The following GALNT18 variants were observed in gnomAD, a reference collection of about 807,000 sequenced individuals.
GALNT18 encodes GalNAc-transferase 18.
GALNT18 carries 44 observed loss-of-function variants against 69.5 expected under a neutral mutation model. That is an observed-to-expected ratio of 0.63 (90% confidence interval 0.50 to 0.81). The LOEUF (loss-of-function observed/expected upper bound fraction) is 0.81. Ranked by LOEUF, GALNT18 falls within the 40% of genes least tolerant of loss-of-function variation. The pLI is 0.00. For missense variants in GALNT18, 715 were observed against 810.0 expected (o/e 0.88, Z 1.42); for synonymous variants, 364 against 318.2 (o/e 1.14, Z -1.53).
At chr11:11,486,687 C>T (rs1461203327) in intron 1 of GALNT18, among the ~76,000 whole-genome samples, 1 of 152,232 alleles carries the variant, frequency 6.6e-6, no homozygotes, top group African/African-American at 2.4e-5. Context: ...TTTTCTCTGA[C>T]TTCTAGCATG....
intron 1 of GALNT18, among the ~76,000 whole-genome samples, chr11:11,525,632 CT>C (rs33938067): frequency 0.074 from 8,812 of 118,502 alleles, 285 homozygotes; most frequent in Middle Eastern, 0.13. Context: ...GTGCATATTA[CT>C]TTTTTTTTTT....
intron 1 of GALNT18, among the ~76,000 whole-genome samples, chr11:11,522,085 C>A (rs1857411410): frequency 6.6e-6 from 1 of 152,152 alleles, no homozygotes; most frequent in Non-Finnish European, 1.5e-5. Context: ...GGGATGACTT[C>A]TACCCACCCT....
chr11:11,532,351 A>C (rs944133780), intron 1 of GALNT18, among the ~76,000 whole-genome samples: 1 of 152,208 alleles, frequency 6.6e-6, no homozygotes, highest in Non-Finnish European at 1.5e-5. Context: ...ACAAGTAAGA[A>C]ACCAGGGCTC....
rs964204334 is a variant in GALNT18 at position 11,596,418 on chromosome 11, TA to T, written c.235+24940del. The stretch of plus-strand genomic sequence containing the variant: ...TAAGATAAGCCTGTCAATTTCTGTG[TA>T]AAAGCCAGCTGGGATTTTGATAAAG... On this transcript the variant is annotated intron_variant, in intron 1 of 10. Transcript: ENST00000227756. The surrounding 1 kb of genome is among the most constrained non-coding windows in gnomAD (Gnocchi z 4.2). Among the ~76,000 whole-genome samples the T allele has an allele frequency of 6.6e-6, 1 of 152,212 alleles. No individual in the cohort carries two copies. The highest frequency in any genetic ancestry group is 2.4e-5 in the African/African-American group (1 of 41,460).
At chr11:11,302,343 T>C (rs1849510325) in intron 9 of GALNT18, among the ~76,000 whole-genome samples, 1 of 152,186 alleles carries the variant, frequency 6.6e-6, no homozygotes, top group Non-Finnish European at 1.5e-5. Context: ...GTGAAGTCTC[T>C]CTTTTTCTGC....
rs1453807514 is a variant in GALNT18 at position 11,563,355 on chromosome 11, G to A, written c.235+58004C>T. Among the ~76,000 whole-genome samples the A allele has an allele frequency of 1.3e-5, 2 of 152,206 alleles. No homozygotes were observed. The highest frequency in any genetic ancestry group is 2.9e-5 in the Non-Finnish European group (2 of 68,038). On this transcript the variant is annotated intron_variant, in intron 1 of 10. Coordinates refer to ENST00000227756, the MANE Select transcript of GALNT18 (RefSeq NM_198516.3). The surrounding 1 kb of genome is among the most constrained non-coding windows in gnomAD (Gnocchi z 4.6). Reference sequence around the variant, plus strand: ...CATCTAAGTAAGGCTTGTTGGTAGAGGAACAGCCGAGATCTGGACAGACAG... The same window carrying A: ...CATCTAAGTAAGGCTTGTTGGTAGAAGAACAGCCGAGATCTGGACAGACAG...
At position 11,293,151 on chromosome 11, in the gene GALNT18, G is replaced by A. The variant is rs1849334184; in HGVS notation, c.1555C>T (p.Leu519=). 1.5e-6 allele frequency: 2 copies of A among 1,353,502 alleles called. No individual in the cohort carries two copies. The highest frequency in any genetic ancestry group is 9.6e-7 in the Non-Finnish European group (1 of 1,042,680). The allele number at this position is 1,353,502 out of a possible 1,614,324, so 83.8% of individuals were successfully genotyped here. A position where few individuals can be genotyped will look rare whatever the true frequency, so the allele number is the denominator to read the frequency against. The stretch of plus-strand genomic sequence containing the variant: ...TCATCATCATCCACGGTGGGGCTCA[G>A]AATGCCCACATGGATCTGCTGACTG... ...TSSQQIHVGI[L]SPTVDDDDNR... Residue 519 remains leucine, a synonymous_variant, in exon 10 of 11, where the codon CTG becomes TTG. Coordinates refer to ENST00000227756, the MANE Select transcript of GALNT18 (RefSeq NM_198516.3).
At chr11:11,285,764 ACTCCTC>A (rs569755393) in intron 10 of GALNT18, among the ~76,000 whole-genome samples, 1 of 151,640 alleles carries the variant, frequency 6.6e-6, no homozygotes, top group Non-Finnish European at 1.5e-5. Flanking sequence ...AAAGTCAAGG[ACTCCTC>A]CTCCTCCTCT....
chr11:11,379,681 G>A (rs548818029), intron 3 of GALNT18, among the ~76,000 whole-genome samples: 2 of 152,152 alleles, frequency 1.3e-5, no homozygotes, highest in Admixed American at 1.3e-4. Flanking sequence ...CCTTCCTATT[G>A]GTCTCCATCT....
intron 1 of GALNT18, among the ~76,000 whole-genome samples, chr11:11,467,143 G>A (rs1027917598): frequency 6.6e-5 from 10 of 152,162 alleles, no homozygotes; most frequent in Non-Finnish European, 8.8e-5. Flanking sequence ...AGACATCACC[G>A]TGTGTGCCCA....
At chr11:11,371,020 G>A (rs1850889775) in intron 6 of GALNT18, among the ~76,000 whole-genome samples, 1 of 152,178 alleles carries the variant, frequency 6.6e-6, no homozygotes, top group Admixed American at 6.5e-5. Flanking sequence ...ATTATGCAGG[G>A]GCTGTCCTCT....
intron 10 of GALNT18, among the ~76,000 whole-genome samples, chr11:11,288,122 TCTA>T (rs1169882975): frequency 6.6e-6 from 1 of 152,110 alleles, no homozygotes; most frequent in African/African-American, 2.4e-5. Flanking sequence ...ACCATGGAAA[TCTA>T]CTACTTAAGA....
chr11:11,544,186 G>T (rs1857991373), intron 1 of GALNT18, among the ~76,000 whole-genome samples: 1 of 152,168 alleles, frequency 6.6e-6, no homozygotes, highest in Non-Finnish European at 1.5e-5. Flanking sequence ...ACTCTGGATG[G>T]TAGCCACAGT....
intron 1 of GALNT18, among the ~76,000 whole-genome samples, chr11:11,488,677 C>A (rs1298201454): frequency 6.6e-6 from 1 of 152,058 alleles, no homozygotes; most frequent in Non-Finnish European, 1.5e-5. Context: ...AACTCCTGGC[C>A]CTTGGCAGCA....
chr11:11,521,765 G>A (rs1260712223), intron 1 of GALNT18, among the ~76,000 whole-genome samples: 1 of 152,132 alleles, frequency 6.6e-6, no homozygotes, highest in Admixed American at 6.5e-5. Flanking sequence ...AGGTGACTCA[G>A]GCGAGCCCAC....
intron 10 of GALNT18, among the ~76,000 whole-genome samples, chr11:11,286,304 A>C (rs1293947294): frequency 6.6e-6 from 1 of 152,148 alleles, no homozygotes; most frequent in East Asian, 1.9e-4. Flanking sequence ...TCTCCTCCAA[A>C]TCTGAGGTGA....
At chr11:11,272,562 T>C (rs4910292) in intron 10 of GALNT18, among the ~76,000 whole-genome samples, 60,593 of 151,862 alleles carry the variant, frequency 0.4, 12,329 homozygotes, top group Non-Finnish European at 0.45. Context: ...TGCAGCCACA[T>C]CAAATCCCTT....
Position 11,356,966 on chromosome 11 carries a change from C to T in GALNT18, c.1092+15549G>A, listed in dbSNP as rs1262749245. Among the ~76,000 whole-genome samples the T allele has an allele frequency of 2.0e-5, 3 of 152,198 alleles. No individual in the cohort carries two copies. Among genetic ancestry groups the T allele is most frequent in the Non-Finnish European group, 1.5e-5 (1 of 68,040 alleles). ...TTTGTAATTGCAAAGAGTCACTCCA[C>T]GGCTGGCTGGTGTGCTAGGGGATAA... On this transcript the variant is annotated intron_variant, in intron 6 of 10. Coordinates refer to ENST00000227756, the MANE Select transcript of GALNT18 (RefSeq NM_198516.3). This position sits in a 1 kb window ranked among gnomAD's most constrained non-coding sequence, Gnocchi z 4.4.
rs1406584997 is a variant in GALNT18 at position 11,314,399 on chromosome 11, AT to A, written c.1512+12686del. The stretch of plus-strand genomic sequence containing the variant: ...AGCAGCTCCTTTTTTTTTTTTTAGC[AT>A]GGAAGCTGCAGGAGCAGCCCAGAGT... On this transcript the variant is annotated intron_variant, in intron 9 of 10. Transcript: ENST00000227756. This position sits in a 1 kb window ranked among gnomAD's most constrained non-coding sequence, Gnocchi z 5.2. 6.7e-6 allele frequency among the ~76,000 whole-genome samples: 1 copy of A among 149,294 alleles called. No homozygotes were observed. The highest frequency in any genetic ancestry group is 2.0e-4 in the East Asian group (1 of 5,082).
Sources: allele counts gnomAD v4.1 joint callset (sites outside exome capture counted in the v4.1 genomes callset), GRCh38; gene constraint gnomAD v4.1.1; non-coding constraint Gnocchi (gnomAD v3.1); transcripts MANE v1.5; gene names NCBI Gene and HGNC (gene_info 2026-07-23, HGNC 2026-07-21).